EMILIN2: variants seen among roughly 807,000 people sequenced by gnomAD.
EMILIN2 encodes EMILIN-2.
A neutral mutation model predicts 87.1 loss-of-function variants in EMILIN2; 71 were observed. That is an observed-to-expected ratio of 0.82 (90% CI 0.67 to 0.99). The LOEUF is 0.99. Ranked by LOEUF, EMILIN2 falls within the 50% of genes least tolerant of loss-of-function variation. The pLI is 0.00. For missense variants in EMILIN2, 1,407 were observed against 1,371.8 expected (o/e 1.03, Z -0.40); for synonymous variants, 581 against 563.4 (o/e 1.03, Z -0.44).
rs754639283 is a variant in EMILIN2 at position 2,891,277 on chromosome 18, C to T, written c.1150C>T (p.Arg384Ter). The T allele has an allele frequency of 2.4e-5, 39 of 1,614,026 alleles. No homozygotes were observed. The highest frequency in any genetic ancestry group is 2.8e-5 in the Non-Finnish European group (33 of 1,180,040). Residue 384 changes from arginine to a stop codon, truncating the protein, a stop_gained, in exon 4 of 8, where the codon CGA becomes TGA. Coordinates refer to ENST00000254528, the MANE Select transcript of EMILIN2 (RefSeq NM_032048.3). LOFTEE classifies it high-confidence loss of function. The surrounding 1 kb of genome is among the most constrained non-coding windows in gnomAD (Gnocchi z 4.6). ...CCTGAGAAAAGAAATAAATAACCTC[C>T]GAGCCCGGCTACAGGAGCCTTCAGC... ...TSLRKEINNL[R>*]ARLQEPSAQA...
chr18:2,875,178 CTT>C (rs1175055186), intron 2 of EMILIN2, among the ~76,000 whole-genome samples: 2 of 152,150 alleles, frequency 1.3e-5, no homozygotes, highest in Non-Finnish European at 1.5e-5. Context: ...ATTCTTGTGA[CTT>C]TTGTAGGAGA....
chr18:2,898,100 C>T (rs1353777029), intron 4 of EMILIN2, among the ~76,000 whole-genome samples: 1 of 152,220 alleles, frequency 6.6e-6, no homozygotes, highest in East Asian at 1.9e-4. Context: ...GGCCTTCACA[C>T]TCTCTCAGCA....
intron 2 of EMILIN2, among the ~76,000 whole-genome samples, chr18:2,858,547 A>ATGTGTGTGTGTG (rs1354578175): frequency 4.2e-5 from 2 of 48,054 alleles, no homozygotes; most frequent in Non-Finnish European, 6.8e-5. Context: ...ATATATATAT[A>ATGTGTGTGTGTG]TATATATATA....
At chr18:2,852,503 A>G (rs1029310075) in intron 2 of EMILIN2, among the ~76,000 whole-genome samples, 10 of 152,176 alleles carry the variant, frequency 6.6e-5, no homozygotes, top group Non-Finnish European at 1.5e-4. Context: ...TTTTGTGTGT[A>G]AGTAATTGTG....
intron 3 of EMILIN2, among the ~76,000 whole-genome samples, chr18:2,889,944 A>G (rs1044220138): frequency 6.6e-6 from 1 of 151,986 alleles, no homozygotes; most frequent in Non-Finnish European, 1.5e-5. Flanking sequence ...TTGTCTCCCA[A>G]ACTGCAAGCA....
chr18:2,897,775 C>T (rs945929081), intron 4 of EMILIN2, among the ~76,000 whole-genome samples: 5 of 151,830 alleles, frequency 3.3e-5, no homozygotes, highest in East Asian at 1.9e-4. Context: ...GGCAGGAGGA[C>T]CCCTTGAGCC....
chr18:2,894,300 C>T lies in EMILIN2; in HGVS notation c.2359+1814C>T, dbSNP rs2076853711. Among the ~76,000 whole-genome samples, 1 of 152,166 alleles carries T rather than the reference C, an allele frequency of 6.6e-6. No homozygotes were observed. Among genetic ancestry groups the T allele is most frequent in the Non-Finnish European group, 1.5e-5 (1 of 68,016 alleles). On this transcript the variant is annotated intron_variant, in intron 4 of 7. Coordinates refer to ENST00000254528, the MANE Select transcript of EMILIN2 (RefSeq NM_032048.3). This position sits in a 1 kb window ranked among gnomAD's most constrained non-coding sequence, Gnocchi z 5.0. ...CCCTGGATGTCCCCAGAGCACTGTG[C>T]TTATCTTGCAGATGACGAGTCACCT...
chr18:2,873,704 C>G (rs1483865402), intron 2 of EMILIN2, among the ~76,000 whole-genome samples: 2 of 149,596 alleles, frequency 1.3e-5, no homozygotes, highest in African/African-American at 2.5e-5. Flanking sequence ...AAGACTCCAT[C>G]TCAAAATAAA....
At chr18:2,903,159 C>T (rs1402230032) in intron 4 of EMILIN2, among the ~76,000 whole-genome samples, 1 of 141,352 alleles carries the variant, frequency 7.1e-6, no homozygotes, top group Non-Finnish European at 1.5e-5. Context: ...TCAGATGGAG[C>T]TGATCCAAGA....
At chr18:2,905,733 G>C (rs1057485940) in intron 4 of EMILIN2, among the ~76,000 whole-genome samples, 2 of 151,136 alleles carry the variant, frequency 1.3e-5, no homozygotes, top group Admixed American at 6.6e-5. Context: ...CTCCCGAGTA[G>C]CTGGGATTAC....
chr18:2,912,758 C>A (rs3745016), intron 7 of EMILIN2, among the ~76,000 whole-genome samples: 80,199 of 151,996 alleles, frequency 0.53, 21,570 homozygotes, highest in African/African-American at 0.64. Flanking sequence ...GCCCTGCCTC[C>A]CGGGTATTCT....
In EMILIN2 at chr18:2,890,070, T is replaced by C. The variant is rs1344622497; in HGVS notation, c.434-491T>C. Among the ~76,000 whole-genome samples the C allele has an allele frequency of 6.6e-6, 1 of 152,212 alleles. No individual in the cohort carries two copies. Among genetic ancestry groups the C allele is most frequent in the Admixed American group, 6.5e-5 (1 of 15,286 alleles). On this transcript the variant is annotated intron_variant, in intron 3 of 7. Transcript: ENST00000254528. The surrounding 1 kb of genome is among the most constrained non-coding windows in gnomAD (Gnocchi z 4.7). ...TCAGAAAATATGATATCATATGATA[T>C]CACCATCCAACAGCTAATGGGTGGA...
chr18:2,888,602 C>A (rs1195592300), intron 3 of EMILIN2, among the ~76,000 whole-genome samples: 1 of 151,556 alleles, frequency 6.6e-6, no homozygotes, highest in Admixed American at 6.6e-5. Context: ...GTAGTCCCAG[C>A]TACTCGGGAG....
chr18:2,871,691 C>T (rs906947218), intron 2 of EMILIN2, among the ~76,000 whole-genome samples: 3 of 152,154 alleles, frequency 2.0e-5, no homozygotes, highest in African/African-American at 7.2e-5. Context: ...AGTTCATGGC[C>T]TGTCATTTGG....
At chr18:2,862,754 T>C (rs1047557339) in intron 2 of EMILIN2, among the ~76,000 whole-genome samples, 1 of 152,216 alleles carries the variant, frequency 6.6e-6, no homozygotes, top group Non-Finnish European at 1.5e-5. Flanking sequence ...TTAGGGAGGA[T>C]TGCCTCTTTT....
upstream of EMILIN2, chr18:2,846,852 G>T (rs927266137): frequency 8.1e-6 from 8 of 985,378 alleles, no homozygotes; most frequent in Non-Finnish European, 9.6e-6. This position sits in a 1 kb window ranked among gnomAD's most constrained non-coding sequence, Gnocchi z 5.3. Context: ...TCCACCCCGA[G>T]CCCCCTGCCG....
rs761140505 is a variant in EMILIN2 at position 2,880,076 on chromosome 18, C to T, written c.258-4888C>T. On this transcript the variant is annotated intron_variant, in intron 2 of 7. Coordinates refer to ENST00000254528, the MANE Select transcript of EMILIN2 (RefSeq NM_032048.3). The surrounding 1 kb of genome is among the most constrained non-coding windows in gnomAD (Gnocchi z 4.1). ...CAACAGGAATTCTATCCTCATGGGG[C>T]TTACAGTCTGGCAGGGAGGACAAAC... Among the ~76,000 whole-genome samples the T allele has an allele frequency of 1.1e-4, 16 of 152,128 alleles. No homozygotes were observed. Among genetic ancestry groups the T allele is most frequent in the Non-Finnish European group, 2.1e-4 (14 of 68,020 alleles).
chr18:2,847,990 G>A lies in EMILIN2; in HGVS notation c.257+59G>A, dbSNP rs2076584761. ...GCCCGGGCCGGGGCGGTGGGGGTGG[G>A]GTGGGGTTGCTGCGCTGGGCTCCAG... is the stretch of plus-strand genomic sequence containing the variant. On this transcript the variant is annotated intron_variant, in intron 2 of 7. Coordinates refer to ENST00000254528, the MANE Select transcript of EMILIN2 (RefSeq NM_032048.3). This position sits in a 1 kb window ranked among gnomAD's most constrained non-coding sequence, Gnocchi z 4.5. 2.0e-6 allele frequency: 3 copies of A among 1,504,390 alleles called. No individual in the cohort carries two copies. Among genetic ancestry groups the A allele is most frequent in the Non-Finnish European group, 2.7e-6 (3 of 1,127,500 alleles). The allele number at this position is 1,504,390 out of a possible 1,614,324, so 93.2% of individuals were successfully genotyped here. A position where few individuals can be genotyped will look rare whatever the true frequency, so the allele number is the denominator to read the frequency against.
At chr18:2,849,835 CTT>C (rs552074643) in intron 2 of EMILIN2, among the ~76,000 whole-genome samples, 339 of 152,236 alleles carry the variant, frequency 2.2e-3, no homozygotes, top group Middle Eastern at 6.8e-3. Context: ...TCAGTCTTGA[CTT>C]TTTTCAGTTT....
Sources: gnomAD v4.1 joint callset for allele counts (sites outside exome capture counted in the v4.1 genomes callset) on GRCh38, gnomAD v4.1.1 for gene constraint, Gnocchi (gnomAD v3.1) non-coding constraint, MANE v1.5 for transcripts, NCBI Gene and HGNC (gene_info 2026-07-23, HGNC 2026-07-21) for gene names.